Variants in ANKHD1 observed in about 807,000 individuals in gnomAD.
ANKHD1 encodes the protein ankyrin repeat and KH domain containing 1, also known as ankyrin repeat and KH domain-containing protein 1.
ANKHD1 carries 31 observed loss-of-function variants against 230.5 expected under a neutral mutation model. The observed-to-expected ratio is 0.13, with a 90% confidence interval of 0.10 to 0.18. The LOEUF (loss-of-function observed/expected upper bound fraction) is 0.18. ANKHD1 is among the 10% of genes least tolerant of loss of function. ANKHD1 has a pLI of 1.00. For synonymous variants in ANKHD1, 1,074 were observed against 1,117.6 expected (o/e 0.96, Z 0.78); for missense variants, 2,256 against 3,071.3 (o/e 0.73, Z 6.27).
chr5:140,429,336 C>T (rs1452483356), intron 1 of ANKHD1, among the ~76,000 whole-genome samples: 2 of 152,076 alleles, frequency 1.3e-5, no homozygotes, highest in Admixed American at 1.3e-4. Context: ...TTGTGATCCA[C>T]CCGCCTCGGC....
intron 10 of ANKHD1, chr5:140,472,223 C>CT (rs767027433): frequency 6.2e-7 from 1 of 1,610,904 alleles, no homozygotes; most frequent in African/African-American, 1.3e-5. Flanking sequence ...GTGAGTTCTT[C>CT]TTTTTCCTTT....
intron 24 of ANKHD1, among the ~76,000 whole-genome samples, chr5:140,518,030 T>C (rs1479775209): frequency 1.3e-5 from 2 of 151,928 alleles, no homozygotes; most frequent in Admixed American, 1.3e-4. Flanking sequence ...ATCAACAAAA[T>C]TGATAGACCA....
chr5:140,528,378 C>A lies in ANKHD1; in HGVS notation c.5432C>A (p.Ala1811Asp), dbSNP rs1052816877. The change falls in exon 29 of 34, where the codon GCT (alanine) becomes GAT (aspartate). Residue 1811 changes from alanine to aspartate, a missense_variant. Ala to Asp is a moderately radical substitution (Grantham distance 126). Around this residue, in one of 13 missense-constraint regions of ANKHD1, gnomAD observed 778 missense variants for 966.5 expected, o/e 0.80. Transcript: ENST00000360839. Reference protein sequence around the residue: ...ASSKNAFPLGAPTLVTSQATT... With the variant: ...ASSKNAFPLGDPTLVTSQATT... ...AGTAAAAATGCATTTCCTTTGGGTG[C>A]TCCAACTCTTGTAACTTCACAGGCA... 1 of 1,614,088 alleles carries A rather than the reference C, an allele frequency of 6.2e-7. No homozygotes were observed.
intron 5 of ANKHD1, among the ~76,000 whole-genome samples, chr5:140,444,634 G>A (rs1166440004): frequency 6.6e-6 from 1 of 152,050 alleles, no homozygotes; most frequent in Non-Finnish European, 1.5e-5. Flanking sequence ...AAATGTAGCT[G>A]CTGCTGCTTT....
chr5:140,427,657 C>A (rs1303295139), intron 1 of ANKHD1, among the ~76,000 whole-genome samples: 1 of 144,258 alleles, frequency 6.9e-6, no homozygotes, highest in Non-Finnish European at 1.5e-5. Context: ...CTGACCCCCC[C>A]ACCTCCCTCC....
Position 140,464,807 on chromosome 5 carries a change from C to T in ANKHD1, c.1782+31C>T, listed in dbSNP as rs79431769. 5,066 of 1,569,136 alleles carry T rather than the reference C, an allele frequency of 3.2e-3. 141 individuals carry two copies. In the African/African-American group the frequency reaches 0.058, roughly 18 times the overall value. On this transcript the variant is annotated intron_variant, in intron 10 of 33. Transcript: ENST00000360839. The stretch of plus-strand genomic sequence containing the variant: ...ATATTTTTAATTTCAAATATTTTTG[C>T]GTTAATGTTAATATCCATTTATACT...
rs70988767 is a variant in ANKHD1, at chr5:140,503,553, C to CTTTTTTTTTTTTTTTTTTTT, written c.3005-1255_3005-1236dup. ...AATTTCTTTTAACTCAGTTTTCTTT[C>CTTTTTTTTTTTTTTTTTTTT]TTTTTTTTTTTTTTTTTTTTTTTTT... On this transcript the variant is annotated intron_variant, in intron 15 of 33. Transcript: ENST00000360839. Among the ~76,000 whole-genome samples the CTTTTTTTTTTTTTTTTTTTT allele has an allele frequency of 1.4e-4, 7 of 51,418 alleles. 2 individuals carry two copies. Among genetic ancestry groups the CTTTTTTTTTTTTTTTTTTTT allele is most frequent in the East Asian group, 1.2e-3 (2 of 1,636 alleles). 33.7% of individuals were successfully genotyped at this position (51,418 alleles called of 152,430 possible).
intron 7 of ANKHD1, among the ~76,000 whole-genome samples, chr5:140,455,054 T>C (rs1181443701): frequency 6.6e-6 from 1 of 152,052 alleles, no homozygotes; most frequent in African/African-American, 2.4e-5. Context: ...CCCACAGAAA[T>C]ACAAACTACC....
At chr5:140,439,216 A>G (rs903729272) in intron 3 of ANKHD1, among the ~76,000 whole-genome samples, 1 of 152,196 alleles carries the variant, frequency 6.6e-6, no homozygotes, top group Non-Finnish European at 1.5e-5. Context: ...CACTGTTACT[A>G]AGTAAAAATT....
chr5:140,459,003 T>TGC (rs1312653518), intron 8 of ANKHD1, 141 bp downstream of exon 8: 57 of 79,586 alleles, frequency 7.2e-4, no homozygotes, highest in Middle Eastern at 7.0e-3. Context: ...TATGCATATA[T>TGC]ATATATATAT....
chr5:140,413,277 T>A (rs1249310857), intron 1 of ANKHD1, among the ~76,000 whole-genome samples: 4 of 152,290 alleles, frequency 2.6e-5, no homozygotes, highest in South Asian at 4.1e-4. Context: ...ATTTTAACCA[T>A]TTTTTTGTTT....
At chr5:140,441,631 G>GA (rs1773856231) in intron 5 of ANKHD1, among the ~76,000 whole-genome samples, 1 of 152,122 alleles carries the variant, frequency 6.6e-6, no homozygotes, top group Non-Finnish European at 1.5e-5. Flanking sequence ...AGAAATCGGA[G>GA]AAGTAGGTAA....
At chr5:140,504,730 T>G in intron 15 of ANKHD1, 91 bp from the exon 16 acceptor site, 1 of 1,503,650 alleles carries the variant, frequency 6.7e-7, no homozygotes, top group Non-Finnish European at 8.9e-7. Context: ...TACATATTAC[T>G]GCTATGGAAA....
At chr5:140,409,549 AT>A (rs5871734) in intron 1 of ANKHD1, among the ~76,000 whole-genome samples, 96,844 of 125,106 alleles carry the variant, frequency 0.77, 36,677 homozygotes, top group East Asian at 0.92. Flanking sequence ...TACTGTAACA[AT>A]TTTTTTTTTT....
chr5:140,482,667 G>T lies in ANKHD1; in HGVS notation c.1870G>T (p.Gly624Cys). The T allele has an allele frequency of 6.2e-7, 1 of 1,609,838 alleles. No homozygotes were observed. The highest frequency in any genetic ancestry group is 1.1e-5 in the South Asian group (1 of 90,300). ...LCTVQFLISK[G>C]ANVNRATANN... ...CACTGTGCAGTTTCTTATTAGCAAA[G>T]GTAAAGAAAGGGCAAGTGATCATTT... The change falls in exon 11 of 34, where the codon GGT (glycine) becomes TGT (cysteine). Residue 624 changes from glycine to cysteine, a missense_variant and splice_region_variant. Around this residue, in one of 13 missense-constraint regions of ANKHD1, gnomAD observed 179 missense variants for 261.8 expected, o/e 0.68. Coordinates refer to ENST00000360839, the MANE Select transcript of ANKHD1 (RefSeq NM_017747.3).
intron 1 of ANKHD1, among the ~76,000 whole-genome samples, chr5:140,423,070 T>A (rs1772128695): frequency 6.6e-6 from 1 of 151,722 alleles, no homozygotes; most frequent in African/African-American, 2.4e-5. Context: ...CAGCTAATTT[T>A]AAAATATTTT....
At chr5:140,403,417 T>C (rs1024432540) in intron 1 of ANKHD1, among the ~76,000 whole-genome samples, 13 of 152,066 alleles carry the variant, frequency 8.5e-5, no homozygotes, top group African/African-American at 2.9e-4. Flanking sequence ...GGGCGGGTTT[T>C]GTTTTTGTTT....
intron 14 of ANKHD1, among the ~76,000 whole-genome samples, chr5:140,492,840 ATGAT>A (rs960746435): frequency 6.6e-6 from 1 of 152,188 alleles, no homozygotes; most frequent in African/African-American, 2.4e-5. Context: ...AGACACAAAA[ATGAT>A]TGATAGGATT....
chr5:140,449,139 G>C, intron 6 of ANKHD1, 72 bp from the exon 7 acceptor site: 1 of 1,435,564 alleles, frequency 7.0e-7, no homozygotes, highest in African/African-American at 1.4e-5. Context: ...TGAAGAAAAA[G>C]ATTCCATACC....
Sources: allele counts gnomAD v4.1 joint callset (sites outside exome capture counted in the v4.1 genomes callset), GRCh38; gene constraint gnomAD v4.1.1; regional missense constraint gnomAD v4.1.1; transcripts MANE v1.5; gene names NCBI Gene and HGNC (gene_info 2026-07-23, HGNC 2026-07-21).